SLC16A10: variants seen among roughly 807,000 people sequenced by gnomAD.
The protein encoded by SLC16A10 is solute carrier family 16 member 10, also known as monocarboxylate transporter 10.
Under a neutral mutation model 40.0 loss-of-function variants are expected in SLC16A10, and 27 were observed. The observed-to-expected ratio is 0.67, with a 90% CI of 0.50 to 0.93. The LOEUF is 0.93. SLC16A10 is among the 40% of genes least tolerant of loss of function. The pLI is 0.00. For synonymous variants in SLC16A10, 213 were observed against 249.8 expected, an observed-to-expected ratio of 0.85 and a Z score of 1.39; for missense variants, 529 against 658.2, an observed-to-expected ratio of 0.80 and a Z score of 2.15.
At chr6:111,190,069 G>C (rs1772963997) in intron 3 of SLC16A10, among the ~76,000 whole-genome samples, 1 of 152,198 alleles carries the variant, frequency 6.6e-6, no homozygotes, top group South Asian at 2.1e-4. Context: ...TCGAAAGCAA[G>C]TTAGTTACTT....
At chr6:111,196,554 A>G (rs1418515259) in intron 3 of SLC16A10, among the ~76,000 whole-genome samples, 2 of 152,150 alleles carry the variant, frequency 1.3e-5, no homozygotes, top group Non-Finnish European at 2.9e-5. Flanking sequence ...TATGCCTGTA[A>G]TCCCAGAACT....
rs774114547 is a variant in SLC16A10 at position 111,218,823 on chromosome 6, T to G, written c.1096T>G (p.Phe366Val). 1 of 1,614,066 alleles carries G rather than the reference T, an allele frequency of 6.2e-7. No individual in the cohort carries two copies. The highest frequency in any genetic ancestry group is 1.7e-5 in the Admixed American group (1 of 60,026). Residue 366 changes from phenylalanine (F) to valine (V), a missense_variant, in exon 5 of 6, where the codon TTT becomes GTT. By Grantham distance (50) the Phe-to-Val change is conservative (BLOSUM62 -1). Coordinates refer to ENST00000368851, the MANE Select transcript of SLC16A10 (RefSeq NM_018593.5). Reference protein sequence around the residue: ...VKKVYLQVLSFFFIGLMSMMI... With the variant: ...VKKVYLQVLSVFFIGLMSMMI... ...GTGGTGTCCGTCCTAGGTACTCTCC[T>G]TTTTCTTCATTGGTCTGATGTCCAT...
intron 3 of SLC16A10, 38 bp downstream of exon 3, chr6:111,177,703 T>C: frequency 6.9e-7 from 1 of 1,452,310 alleles, no homozygotes; most frequent in South Asian, 1.6e-5. Context: ...ATATTACTAT[T>C]TAATAAAGAA....
At chr6:111,139,268 T>A (rs1005647866) in intron 1 of SLC16A10, among the ~76,000 whole-genome samples, 1 of 152,084 alleles carries the variant, frequency 6.6e-6, no homozygotes, top group African/African-American at 2.4e-5. Context: ...TTTTTCTTTC[T>A]TTATTTTGGC....
chr6:111,174,237 C>T, intron 2 of SLC16A10, among the ~76,000 whole-genome samples: 1 of 152,126 alleles, frequency 6.6e-6, no homozygotes, highest in East Asian at 1.9e-4. Context: ...CTGTCCCTAG[C>T]TGTCTTTATG....
At chr6:111,178,369 A>C (rs546637658) in intron 3 of SLC16A10, 5 of 532,004 alleles carry the variant, frequency 9.4e-6, no homozygotes, top group South Asian at 7.0e-5. Context: ...TCAAGTGCTC[A>C]AGAAGTTTAT....
chr6:111,199,834 A>C (rs1773140688), intron 3 of SLC16A10, among the ~76,000 whole-genome samples: 1 of 151,648 alleles, frequency 6.6e-6, no homozygotes, highest in South Asian at 2.1e-4. Flanking sequence ...ATTTAAAAAA[A>C]AAAAACAAGT....
At chr6:111,146,668 C>A (rs916362828) in intron 1 of SLC16A10, among the ~76,000 whole-genome samples, 1 of 151,832 alleles carries the variant, frequency 6.6e-6, no homozygotes, top group Middle Eastern at 3.4e-3. Context: ...ACCCGGCAGG[C>A]GGGGCTTGCA....
chr6:111,183,264 G>A (rs1186796848), intron 3 of SLC16A10, among the ~76,000 whole-genome samples: 1 of 152,102 alleles, frequency 6.6e-6, no homozygotes, highest in Non-Finnish European at 1.5e-5. Context: ...CTTTTCCCCT[G>A]AGTATTCACA....
intron 4 of SLC16A10, among the ~76,000 whole-genome samples, chr6:111,218,258 C>G (rs963575547): frequency 6.6e-6 from 1 of 152,000 alleles, no homozygotes; most frequent in African/African-American, 2.4e-5. Flanking sequence ...AAGGGATTTG[C>G]AGGCTGGGAG....
rs1771106393 is a variant in SLC16A10, at chr6:111,230,957, A to G, written c.*8722A>G. The G allele has an allele frequency of 6.6e-6, 1 of 152,206 alleles. No individual in the cohort carries two copies. The highest frequency in any genetic ancestry group is 1.9e-4 in the East Asian group (1 of 5,196). The allele number at this position is 152,206 out of a possible 1,614,324, so 9.4% of individuals were successfully genotyped here. On this transcript the variant is annotated 3_prime_UTR_variant, in exon 6 of 6. Transcript: ENST00000368851. ...AATAGTTGTTCAAATGTAGATCACT[A>G]TGCTGAATGCTCATGCTGGATTTGA...
chr6:111,171,831 A>AAAAT (rs1294075068), intron 1 of SLC16A10, among the ~76,000 whole-genome samples: 1 of 151,764 alleles, frequency 6.6e-6, no homozygotes, highest in Non-Finnish European at 1.5e-5. Context: ...AAAAAAAAAA[A>AAAAT]AAAGGCAAAA....
At chr6:111,181,908 A>G (rs1772799071) in intron 3 of SLC16A10, among the ~76,000 whole-genome samples, 1 of 152,166 alleles carries the variant, frequency 6.6e-6, no homozygotes, top group Non-Finnish European at 1.5e-5. Context: ...TAGCAGCTGC[A>G]TCAGTTTTTA....
rs1562392230 is a variant in SLC16A10 at position 111,087,763 on chromosome 6, C to T, written c.11C>T (p.Ser4Phe). The T allele has an allele frequency of 8.2e-7, 1 of 1,222,986 alleles. No homozygotes were observed. The highest frequency in any genetic ancestry group is 1.0e-6 in the Non-Finnish European group (1 of 984,024). 75.8% of individuals were successfully genotyped at this position (1,222,986 alleles called of 1,614,324 possible). MVLSQEEPDSARGT... is the reference protein window; with the variant it reads MVLFQEEPDSARGT... ...GGCCCGCCTCGGGCCATGGTGCTCT[C>T]CCAGGAGGAGCCGGACTCCGCGCGG... Residue 4 changes from serine (S) to phenylalanine (F), a missense_variant, in exon 1 of 6, where the codon TCC becomes TTC. Physicochemically the swap from Ser to Phe is radical, Grantham distance 155. Coordinates refer to ENST00000368851, the MANE Select transcript of SLC16A10 (RefSeq NM_018593.5).
intron 1 of SLC16A10, among the ~76,000 whole-genome samples, chr6:111,148,615 G>A (rs886163153): frequency 6.6e-6 from 1 of 152,176 alleles, no homozygotes; most frequent in Non-Finnish European, 1.5e-5. Flanking sequence ...CTTTAGGAAG[G>A]TGTACTCCAA....
intron 1 of SLC16A10, among the ~76,000 whole-genome samples, chr6:111,128,538 G>GA (rs1244232291): frequency 5.3e-5 from 8 of 151,886 alleles, no homozygotes; most frequent in Non-Finnish European, 4.4e-5. Flanking sequence ...TTGGTTTGAA[G>GA]AAAAAATATA....
At chr6:111,153,019 G>A (rs1007212468) in intron 1 of SLC16A10, among the ~76,000 whole-genome samples, 1 of 152,172 alleles carries the variant, frequency 6.6e-6, no homozygotes, top group Non-Finnish European at 1.5e-5. Flanking sequence ...CAGTGACAAT[G>A]AGTGGCAATG....
At position 111,177,360 on chromosome 6, in the gene SLC16A10, T is replaced by C; in HGVS notation, c.637T>C (p.Phe213Leu). 6.2e-7 allele frequency: 1 copy of C among 1,613,894 alleles called. No homozygotes were observed. The highest frequency in any genetic ancestry group is 8.5e-7 in the Non-Finnish European group (1 of 1,179,948). Residue 213 changes from phenylalanine to leucine, a missense_variant, in exon 3 of 6, where the codon TTC (phenylalanine) becomes CTC (leucine). Physicochemically the swap from Phe to Leu is conservative, Grantham distance 22 (BLOSUM62 0). Transcript: ENST00000368851. The part of the protein sequence containing the change: ...NGIVTAGSSV[F>L]TILLPLLLRV... The stretch of plus-strand genomic sequence containing the variant: ...CATTGTCACTGCTGGCAGCAGTGTC[T>C]TCACAATCCTGCTGCCTTTGCTCTT...
intron 1 of SLC16A10, among the ~76,000 whole-genome samples, chr6:111,117,858 C>G (rs1348724058): frequency 1.3e-5 from 2 of 152,166 alleles, no homozygotes; most frequent in African/African-American, 4.8e-5. Flanking sequence ...TCCCAGGGAC[C>G]CAGCAGTGAA....
Sources: gnomAD v4.1 joint callset for allele counts (sites outside exome capture counted in the v4.1 genomes callset) on GRCh38, gnomAD v4.1.1 for gene constraint, MANE v1.5 for transcripts, NCBI Gene and HGNC (gene_info 2026-07-23, HGNC 2026-07-21) for gene names.